Variants in NOP14 observed in about 807,000 individuals in gnomAD.
The protein encoded by NOP14 is nucleolar protein 14.
NOP14 carries 57 observed loss-of-function variants against 101.6 expected under a neutral mutation model. The ratio of observed to expected loss-of-function variants is 0.56; its 90% CI spans 0.45 to 0.70. The LOEUF (loss-of-function observed/expected upper bound fraction) is 0.70, where lower values mean the gene tolerates loss of function less well. NOP14 is among the 30% of genes least tolerant of loss of function. The pLI is 0.00. For synonymous variants in NOP14, 428 were observed against 424.0 expected, an observed-to-expected ratio of 1.01 and a Z score of -0.12; for missense variants, 1,134 against 1,075.5, an observed-to-expected ratio of 1.05 and a Z score of -0.76.
At chr4:2,942,903 C>T (rs984491249) in intron 13 of NOP14, among the ~76,000 whole-genome samples, 1 of 152,060 alleles carries the variant, frequency 6.6e-6, no homozygotes, top group African/African-American at 2.4e-5. Context: ...TGTGGCTACA[C>T]GGGGAGGGGT....
rs111282213 is a variant in NOP14, at chr4:2,955,803, G to A, written c.472+867C>T. Among the ~76,000 whole-genome samples, 97 of 152,356 alleles carry A rather than the reference G, an allele frequency of 6.4e-4. 1 individual carries two copies. Among genetic ancestry groups the A allele is most frequent in the African/African-American group, 2.1e-3 (86 of 41,582 alleles). ...CTTCACGCCCGTGAAGCCGAGCAGT[G>A]GCGGGGCCTCCTGGTGTGCCGCAGA... On this transcript the variant is annotated intron_variant, in intron 3 of 17. Transcript: ENST00000416614.
chr4:2,954,018 G>C (rs902062494), intron 4 of NOP14, among the ~76,000 whole-genome samples: 64 of 152,130 alleles, frequency 4.2e-4, no homozygotes, highest in African/African-American at 1.4e-3. Context: ...GCTTGAGCCT[G>C]GTCGACACAG....
chr4:2,947,079 G>A (rs1490865393), intron 10 of NOP14: 2 of 223,918 alleles, frequency 8.9e-6, no homozygotes, highest in Non-Finnish European at 1.8e-5. Context: ...AGAGGGCAAC[G>A]AGGGCAGGAG....
intron 3 of NOP14, among the ~76,000 whole-genome samples, chr4:2,956,144 T>C (rs1715331516): frequency 6.6e-6 from 1 of 152,246 alleles, no homozygotes; most frequent in Admixed American, 6.5e-5. Context: ...TTTATCTGTT[T>C]CATGTTGTTA....
At chr4:2,939,048 G>A in intron 17 of NOP14, 118 bp from the exon 18 acceptor site, 3 of 1,480,492 alleles carry the variant, frequency 2.0e-6, no homozygotes, top group Middle Eastern at 1.7e-4. Context: ...TTCAAACAGG[G>A]GGAAGTGAAC....
intron 1 of NOP14, among the ~76,000 whole-genome samples, chr4:2,959,395 A>G (rs534007965): frequency 7.9e-5 from 12 of 152,208 alleles, no homozygotes; most frequent in Admixed American, 1.3e-4. Flanking sequence ...GATCAAGACC[A>G]TCCTGGGTAA....
At position 2,960,730 on chromosome 4, in the gene NOP14, TAATATTAATATATTAATATTATA is replaced by T. The variant is rs1560310557; in HGVS notation, c.195+2372_195+2394del. ...TAATATATTAATATTATAATCACATTAATATTAATATATTAATATTATAATCACATTAATATTAATATATTAAT... is the reference window on the plus strand; with the variant it reads ...TAATATATTAATATTATAATCACATTATCACATTAATATTAATATATTAAT... On this transcript the variant is annotated intron_variant, in intron 1 of 17. Coordinates refer to ENST00000416614, the MANE Select transcript of NOP14 (RefSeq NM_001291978.2). Among the ~76,000 whole-genome samples the T allele has an allele frequency of 2.8e-4, 23 of 80,708 alleles. No individual in the cohort carries two copies. The East Asian group carries it at 4.8e-3, about 17-fold the overall frequency. 52.9% of individuals were successfully genotyped at this position (80,708 alleles called of 152,430 possible).
chr4:2,941,884 G>T (rs1055978808), intron 14 of NOP14, 155 bp from the exon 15 acceptor site: 4 of 851,902 alleles, frequency 4.7e-6, no homozygotes, highest in Non-Finnish European at 7.2e-6. Flanking sequence ...GCAACCACGG[G>T]CAAGGCAGGC....
Position 2,938,682 on chromosome 4 carries a change from T to G in NOP14, c.*149A>C. 1 of 633,394 alleles carries G rather than the reference T, an allele frequency of 1.6e-6. No homozygotes were observed. The highest frequency in any genetic ancestry group is 3.0e-5 in the Admixed American group (1 of 33,684). The allele number at this position is 633,394 out of a possible 1,614,324, so 39.2% of individuals were successfully genotyped here. ...CACCACACTTGGCTAATTTTTATGT[T>G]TTTTTGGTAGAGACGGGGTCTTCCT... On this transcript the variant is annotated 3_prime_UTR_variant, in exon 18 of 18. Coordinates refer to ENST00000416614, the MANE Select transcript of NOP14 (RefSeq NM_001291978.2).
rs1560298353 is a variant in NOP14 at position 2,945,237 on chromosome 4, G to C, written c.1636-8C>G. The C allele has an allele frequency of 1.3e-6, 2 of 1,554,318 alleles. No homozygotes were observed. Among genetic ancestry groups the C allele is most frequent in the East Asian group, 2.4e-5 (1 of 42,080 alleles). On this transcript the variant is annotated splice_region_variant and splice_polypyrimidine_tract_variant and intron_variant, in intron 11 of 17. Coordinates refer to ENST00000416614, the MANE Select transcript of NOP14 (RefSeq NM_001291978.2). ...GATTTTCAAATAAATGAGCTGGAAA[G>C]AAAGTGTTACCACAGGTTAAAGAAG...
chr4:2,939,008 A>G, intron 17 of NOP14, 78 bp from the exon 18 acceptor site: 1 of 1,496,548 alleles, frequency 6.7e-7, no homozygotes, highest in Middle Eastern at 1.7e-4. Flanking sequence ...CCCACATCAG[A>G]ACCACATTAG....
intron 15 of NOP14, 106 bp from the exon 16 acceptor site, chr4:2,939,751 A>C (rs888469993): frequency 2.4e-6 from 2 of 847,436 alleles, no homozygotes; most frequent in African/African-American, 3.3e-5. Flanking sequence ...CAGTGCTGCG[A>C]GCTCCCTGCA....
intron 1 of NOP14, among the ~76,000 whole-genome samples, chr4:2,960,278 G>C (rs561689539): frequency 6.6e-6 from 1 of 152,142 alleles, no homozygotes; most frequent in South Asian, 2.1e-4. Flanking sequence ...AGCATACACC[G>C]AGAAGACTTC....
chr4:2,952,252 C>A, intron 6 of NOP14, 23 bp downstream of exon 6: 1 of 1,611,540 alleles, frequency 6.2e-7, no homozygotes. Context: ...CACAGCCCTG[C>A]TCCTGAGGTG....
At chr4:2,947,963 C>A (rs547999754) in intron 9 of NOP14, among the ~76,000 whole-genome samples, 24 of 150,608 alleles carry the variant, frequency 1.6e-4, no homozygotes, top group African/African-American at 5.8e-4. Flanking sequence ...ACCTATCTGC[C>A]ACAGCAAAGT....
chr4:2,961,902 G>A (rs1337242453), intron 1 of NOP14, among the ~76,000 whole-genome samples: 1 of 152,222 alleles, frequency 6.6e-6, no homozygotes, highest in Non-Finnish European at 1.5e-5. Context: ...ACAGGGCAGG[G>A]AGGTGGATCT....
chr4:2,946,652 T>A, intron 10 of NOP14, 105 bp from the exon 11 acceptor site: 3 of 991,690 alleles, frequency 3.0e-6, no homozygotes, highest in Admixed American at 2.1e-5. Context: ...ACTGAGCAAG[T>A]AAGAACTGGA....
At chr4:2,948,239 T>G in intron 9 of NOP14, 39 bp downstream of exon 9, 6 of 1,557,964 alleles carry the variant, frequency 3.9e-6, no homozygotes, top group Non-Finnish European at 5.2e-6. Context: ...GGGGCTATGC[T>G]GACACTCCCA....
At chr4:2,956,632 C>G in intron 3 of NOP14, 38 bp downstream of exon 3, 1 of 1,580,500 alleles carries the variant, frequency 6.3e-7, no homozygotes, top group Non-Finnish European at 8.6e-7. Flanking sequence ...CTCCCTGACT[C>G]CACGCCCACA....
Sources: gnomAD v4.1 joint callset for allele counts (sites outside exome capture counted in the v4.1 genomes callset) on GRCh38, gnomAD v4.1.1 for gene constraint, MANE v1.5 for transcripts, NCBI Gene and HGNC (gene_info 2026-07-23, HGNC 2026-07-21) for gene names.